Variants in SPOCK3 observed in about 807,000 individuals in gnomAD.
SPOCK3 encodes the protein SPARC (osteonectin), cwcv and kazal like domains proteoglycan 3.
In SPOCK3, 30 loss-of-function variants were observed where a neutral mutation model predicts 56.6. That is an observed-to-expected ratio of 0.53 (90% CI 0.40 to 0.72). SPOCK3 has a LOEUF of 0.72. SPOCK3 is among the 30% of genes least tolerant of loss of function. The probability of loss-of-function intolerance (pLI) is 0.00; values close to 1 mark genes in which losing one functional copy is unlikely to be tolerated. For synonymous variants in SPOCK3, 196 were observed against 183.3 expected, an observed-to-expected ratio of 1.07 and a Z score of -0.56; for missense variants, 527 against 530.0, an observed-to-expected ratio of 0.99 and a Z score of 0.06.
At chr4:166,846,776 T>A (rs1283512001) in intron 6 of SPOCK3, among the ~76,000 whole-genome samples, 1 of 152,140 alleles carries the variant, frequency 6.6e-6, no homozygotes, top group Non-Finnish European at 1.5e-5. Context: ...CAAGGCAATT[T>A]AAAAATTTTC....
At chr4:167,008,576 A>G (rs186846585) in intron 3 of SPOCK3, among the ~76,000 whole-genome samples, 23 of 152,162 alleles carry the variant, frequency 1.5e-4, no homozygotes, top group Non-Finnish European at 2.5e-4. Context: ...AACCAAGTAA[A>G]CCTGTGCTTA....
intron 2 of SPOCK3, among the ~76,000 whole-genome samples, chr4:167,205,138 CAT>C (rs1308323168): frequency 2.8e-5 from 3 of 108,522 alleles, no homozygotes; most frequent in East Asian, 2.3e-4. Context: ...AAAAAAAATA[CAT>C]ATATATATAT....
intron 4 of SPOCK3, among the ~76,000 whole-genome samples, chr4:166,916,645 G>A (rs1005649154): frequency 6.6e-6 from 1 of 150,570 alleles, no homozygotes; most frequent in African/African-American, 2.4e-5. Context: ...AAAATGGTTA[G>A]CAAAAAAACA....
intron 8 of SPOCK3, among the ~76,000 whole-genome samples, chr4:166,752,666 G>C (rs1736574195): frequency 6.6e-6 from 1 of 150,892 alleles, no homozygotes; most frequent in Non-Finnish European, 1.5e-5. Flanking sequence ...TCTTTTATAA[G>C]CTGGAATATT....
In SPOCK3 at chr4:167,114,122, G is replaced by A. The variant is rs142310222; in HGVS notation, c.190-51585C>T. On this transcript the variant is annotated intron_variant, in intron 2 of 10. Coordinates refer to ENST00000357545, the MANE Select transcript of SPOCK3 (RefSeq NM_001040159.2). ...TCCAGGAATACCAGACTAGCTTATA[G>A]CAGACCAAACTCTCCTCTAAAATAA... 2.0e-5 allele frequency among the ~76,000 whole-genome samples: 3 copies of A among 152,212 alleles called. No homozygotes were observed. In the East Asian group the frequency reaches 5.8e-4, roughly 29 times the overall value.
At chr4:166,809,863 A>G (rs1285444533) in intron 6 of SPOCK3, among the ~76,000 whole-genome samples, 1 of 152,102 alleles carries the variant, frequency 6.6e-6, no homozygotes, top group Non-Finnish European at 1.5e-5. Context: ...ATGATGGAGC[A>G]AGACAAAAAT....
At chr4:166,979,330 G>A (rs1034033094) in intron 4 of SPOCK3, among the ~76,000 whole-genome samples, 44 of 151,764 alleles carry the variant, frequency 2.9e-4, no homozygotes, top group African/African-American at 9.7e-4. Context: ...TGAACTCCCC[G>A]TCAATGAAAA....
At chr4:167,052,776 T>C (rs907023656) in intron 3 of SPOCK3, among the ~76,000 whole-genome samples, 2 of 152,078 alleles carry the variant, frequency 1.3e-5, no homozygotes, top group Non-Finnish European at 2.9e-5. Flanking sequence ...AAAAAATAAA[T>C]GATACTCATG....
intron 4 of SPOCK3, among the ~76,000 whole-genome samples, chr4:166,979,380 A>G (rs1746333342): frequency 6.6e-6 from 1 of 152,126 alleles, no homozygotes; most frequent in African/African-American, 2.4e-5. Flanking sequence ...CAATAAACCA[A>G]CATAAAACAC....
At chr4:166,736,475 G>A (rs954007421) in intron 10 of SPOCK3, among the ~76,000 whole-genome samples, 4 of 152,124 alleles carry the variant, frequency 2.6e-5, no homozygotes, top group East Asian at 1.9e-4. Flanking sequence ...TCAGCAAACC[G>A]AAACTAAGCT....
intron 3 of SPOCK3, among the ~76,000 whole-genome samples, chr4:167,057,205 G>A (rs1580151206): frequency 6.6e-6 from 1 of 152,252 alleles, no homozygotes; most frequent in Non-Finnish European, 1.5e-5. Context: ...AAGTGAAGGA[G>A]AAATAAAATA....
At chr4:166,827,996 A>C (rs369877960) in intron 6 of SPOCK3, among the ~76,000 whole-genome samples, 3 of 152,252 alleles carry the variant, frequency 2.0e-5, no homozygotes, top group African/African-American at 4.8e-5. Flanking sequence ...AAATCATTGA[A>C]TCTGAATTGT....
intron 6 of SPOCK3, among the ~76,000 whole-genome samples, chr4:166,812,354 GGGCTTATAT>G: frequency 6.6e-6 from 1 of 151,508 alleles, no homozygotes; most frequent in African/African-American, 2.4e-5. Flanking sequence ...AACTATAATC[GGGCTTATAT>G]GAAAAGTAAA....
chr4:167,105,463 T>TAA (rs552028589), intron 2 of SPOCK3, among the ~76,000 whole-genome samples: 1,795 of 98,648 alleles, frequency 0.018, 41 homozygotes, highest in African/African-American at 0.062. Flanking sequence ...ACACAAAAAT[T>TAA]AAAAAAAAAA....
In SPOCK3 at chr4:166,737,685, T is replaced by C. The variant is rs566613042; in HGVS notation, c.995-81A>G. The C allele has an allele frequency of 5.6e-6, 8 of 1,437,156 alleles. No homozygotes were observed. The African/African-American group carries it at 1.1e-4, about 20-fold the overall frequency. 89.0% of individuals were successfully genotyped at this position (1,437,156 alleles called of 1,614,324 possible). A position where few individuals can be genotyped will look rare whatever the true frequency, so the allele number is the denominator to read the frequency against. On this transcript the variant is annotated intron_variant, in intron 9 of 10. Coordinates refer to ENST00000357545, the MANE Select transcript of SPOCK3 (RefSeq NM_001040159.2). ...GTGCTCCTTTCTGAGAAGCACCCAT[T>C]ATGCATTAATGCATTAAAGACTTAC...
chr4:167,132,187 C>A (rs550830672), intron 2 of SPOCK3, among the ~76,000 whole-genome samples: 2 of 152,346 alleles, frequency 1.3e-5, no homozygotes, highest in African/African-American at 4.8e-5. Flanking sequence ...TCTTAAAAAT[C>A]ATTTGAATTC....
chr4:167,116,612 C>T (rs867158148), intron 2 of SPOCK3, among the ~76,000 whole-genome samples: 10 of 129,014 alleles, frequency 7.8e-5, no homozygotes, highest in South Asian at 2.3e-4. Context: ...ATACTATATA[C>T]GTATATATAT....
At chr4:167,032,714 A>C (rs942991225) in intron 3 of SPOCK3, among the ~76,000 whole-genome samples, 1 of 151,996 alleles carries the variant, frequency 6.6e-6, no homozygotes. Context: ...GATTTTATTA[A>C]TTATCATAGA....
At chr4:167,233,189 A>C (rs1737362255) in intron 2 of SPOCK3, among the ~76,000 whole-genome samples, 1 of 152,120 alleles carries the variant, frequency 6.6e-6, no homozygotes, top group Non-Finnish European at 1.5e-5. Context: ...CATTCAGATC[A>C]GGTGAGGAAA....
Sources: gnomAD v4.1 joint callset for allele counts (sites outside exome capture counted in the v4.1 genomes callset) on GRCh38, gnomAD v4.1.1 for gene constraint, MANE v1.5 for transcripts, NCBI Gene and HGNC (gene_info 2026-07-23, HGNC 2026-07-21) for gene names.